Variants in TRPV5 observed in about 807,000 individuals in gnomAD.
TRPV5 encodes calcium transport protein 2.
TRPV5 carries 66 observed loss-of-function variants against 74.1 expected under a neutral mutation model. The ratio of observed to expected loss-of-function variants is 0.89; its 90% CI spans 0.73 to 1.09. The LOEUF (loss-of-function observed/expected upper bound fraction) is 1.09, where lower values mean the gene tolerates loss of function less well. Ranked by LOEUF, TRPV5 falls within the 50% of genes least tolerant of loss-of-function variation. The pLI is 0.00. For synonymous variants in TRPV5, 399 were observed against 360.7 expected, an observed-to-expected ratio of 1.11 and a Z score of -1.20; for missense variants, 936 against 930.4, an observed-to-expected ratio of 1.01 and a Z score of -0.08.
Position 142,912,609 on chromosome 7 carries a change from A to G in TRPV5, c.1661T>C (p.Met554Thr), listed in dbSNP as rs766635031. 8.1e-6 allele frequency: 13 copies of G among 1,614,264 alleles called. No homozygotes were observed. Among genetic ancestry groups the G allele is most frequent in the Non-Finnish European group, 1.1e-5 (13 of 1,180,046 alleles). The change falls in exon 13 of 15, where the codon ATG becomes ACG. Residue 554 changes from methionine to threonine, a missense_variant. By Grantham distance (81) the Met-to-Thr change is moderately conservative. Coordinates refer to ENST00000265310, the MANE Select transcript of TRPV5 (RefSeq NM_019841.7). ...PANYDVDLPF[M>T]FSIVNFAFTI... ...GAAGGCGAAGTTGACAATGCTGAAC[A>G]TGAAGGGCAAGTCCACGTCGTAGTT...
Position 142,915,475 on chromosome 7 carries a change from C to T in TRPV5, c.1209+7G>A, listed in dbSNP as rs200892544. ...TGGGATTAGCCTGGACCCCGCCTGCCCCTCACCTCTAGGAGCAGGATGATC... is the reference window on the plus strand; with the variant it reads ...TGGGATTAGCCTGGACCCCGCCTGCTCCTCACCTCTAGGAGCAGGATGATC... On this transcript the variant is annotated splice_region_variant and intron_variant, in intron 9 of 14. Coordinates refer to ENST00000265310, the MANE Select transcript of TRPV5 (RefSeq NM_019841.7). 2.9e-5 allele frequency: 47 copies of T among 1,613,778 alleles called. 1 individual carries two copies. The South Asian group carries it at 4.8e-4, about 17-fold the overall frequency.
chr7:142,915,511 C>G lies in TRPV5; in HGVS notation c.1180G>C (p.Val394Leu), dbSNP rs138078837. 1 of 1,614,036 alleles carries G rather than the reference C, an allele frequency of 6.2e-7. No individual in the cohort carries two copies. The highest frequency in any genetic ancestry group is 1.1e-5 in the South Asian group (1 of 91,088). The change falls in exon 9 of 15, where the codon GTT (valine) becomes CTT (leucine). Residue 394 changes from valine to leucine, a missense_variant. Coordinates refer to ENST00000265310, the MANE Select transcript of TRPV5 (RefSeq NM_019841.7). ...IRLVGELVSI[V>L]GAVIILLLEI... ...AGGAGCAGGATGATCACAGCCCCAA[C>G]GATGCTCACCAGCTCCCCCACCAGC...
intron 10 of TRPV5, 52 bp from the exon 11 acceptor site, chr7:142,915,098 C>A (rs1227931258): frequency 6.3e-7 from 1 of 1,596,846 alleles, no homozygotes; most frequent in African/African-American, 1.3e-5. Context: ...TATTTTAGGT[C>A]CCTACAGCAT....
At position 142,933,330 on chromosome 7, in the gene TRPV5, A is replaced by G; in HGVS notation, c.128+2T>C. 6.2e-7 allele frequency: 1 copy of G among 1,613,174 alleles called. No homozygotes were observed. The highest frequency in any genetic ancestry group is 8.5e-7 in the Non-Finnish European group (1 of 1,179,858). On this transcript the variant is annotated splice_donor_variant, in intron 1 of 14. Transcript: ENST00000265310. LOFTEE classifies it high-confidence loss of function. ...GGCCACGGATCGTTCTAGGAAGCCT[A>G]CCTCTTCTGCTGCAGCATATGAAGC... is the stretch of plus-strand genomic sequence containing the variant.
intron 8 of TRPV5, among the ~76,000 whole-genome samples, chr7:142,916,019 C>T (rs995548960): frequency 7.9e-5 from 12 of 152,288 alleles, no homozygotes; most frequent in African/African-American, 2.4e-4. Context: ...CAGGTTCCCT[C>T]ACGGATCCGG....
Position 142,908,245 on chromosome 7 carries a change from C to A in TRPV5, c.*269G>T. 1.8e-6 allele frequency: 1 copy of A among 551,368 alleles called. No individual in the cohort carries two copies. Among genetic ancestry groups the A allele is most frequent in the Non-Finnish European group, 3.2e-6 (1 of 309,542 alleles). 34.2% of individuals were successfully genotyped at this position (551,368 alleles called of 1,614,324 possible). A position where few individuals can be genotyped will look rare whatever the true frequency, so the allele number is the denominator to read the frequency against. On this transcript the variant is annotated 3_prime_UTR_variant, in exon 15 of 15. Coordinates refer to ENST00000265310, the MANE Select transcript of TRPV5 (RefSeq NM_019841.7). ...TGGTCCTGACATTAATCTAGCATCC[C>A]TGCCTCATGTCTTTAGTTGCCAACC...
At position 142,908,484 on chromosome 7, in the gene TRPV5, G is replaced by A. The variant is rs763193255; in HGVS notation, c.*30C>T. 1.2e-6 allele frequency: 2 copies of A among 1,607,030 alleles called. No individual in the cohort carries two copies. Among genetic ancestry groups the A allele is most frequent in the South Asian group, 2.2e-5 (2 of 90,920 alleles). On this transcript the variant is annotated 3_prime_UTR_variant, in exon 15 of 15. Coordinates refer to ENST00000265310, the MANE Select transcript of TRPV5 (RefSeq NM_019841.7). Reference sequence around the variant, plus strand: ...CTGTCCCCGCCCCCAGGCCAACCGGGAGTAAGGTCAAGAGTGATAGCGATG... The same window carrying A: ...CTGTCCCCGCCCCCAGGCCAACCGGAAGTAAGGTCAAGAGTGATAGCGATG...
rs200274601 is a variant in TRPV5, at chr7:142,929,385, G to A, written c.487+43C>T. Reference sequence around the variant, plus strand: ...GCCCTGGCCTCCCTCTGCCTTGCCCGCCTCTCCAGCCAACCATCCTTCAAG... The same window carrying A: ...GCCCTGGCCTCCCTCTGCCTTGCCCACCTCTCCAGCCAACCATCCTTCAAG... On this transcript the variant is annotated intron_variant, in intron 4 of 14. Transcript: ENST00000265310. 3.1e-5 allele frequency: 49 copies of A among 1,600,560 alleles called. No individual in the cohort carries two copies. The Middle Eastern group carries it at 5.1e-4, about 17-fold the overall frequency.
At chr7:142,932,981 T>G (rs1028579253) in intron 1 of TRPV5, among the ~76,000 whole-genome samples, 3 of 152,118 alleles carry the variant, frequency 2.0e-5, no homozygotes, top group Middle Eastern at 6.8e-3. Flanking sequence ...CCCACAGGAG[T>G]GCATCCCTTC....
At position 142,929,454 on chromosome 7, in the gene TRPV5, T is replaced by G. The variant is rs4236480; in HGVS notation, c.461A>C (p.His154Pro). 3 of 1,613,872 alleles carry G rather than the reference T, an allele frequency of 1.9e-6. No homozygotes were observed. Among genetic ancestry groups the G allele is most frequent in the Non-Finnish European group, 2.5e-6 (3 of 1,179,950 alleles). Residue 154 changes from histidine to proline, a missense_variant, in exon 4 of 15, where the codon CAT becomes CCT. His to Pro is a moderately conservative substitution (Grantham distance 77, BLOSUM62 -2). Coordinates refer to ENST00000265310, the MANE Select transcript of TRPV5 (RefSeq NM_019841.7). ...SARATGTAFR[H>P]SPRNLIYFGE... ...AAAGTAGATGAGGTTGCGGGGACTA[T>G]GGCGGAAGGCAGTGCCTGTGGCTCT...
intron 1 of TRPV5, among the ~76,000 whole-genome samples, chr7:142,930,713 G>C (rs1010949020): frequency 2.0e-5 from 3 of 152,216 alleles, no homozygotes; most frequent in African/African-American, 7.2e-5. Context: ...TTAATAGGAA[G>C]AGAACCTGTA....
intron 12 of TRPV5, among the ~76,000 whole-genome samples, chr7:142,913,569 T>C (rs1795743764): frequency 1.3e-5 from 2 of 151,860 alleles, no homozygotes; most frequent in South Asian, 4.2e-4. Context: ...GGCCAGGGAG[T>C]GGGAGGAAAG....
chr7:142,922,805 A>G (rs1795907499), intron 8 of TRPV5, among the ~76,000 whole-genome samples: 1 of 152,248 alleles, frequency 6.6e-6, no homozygotes, highest in African/African-American at 2.4e-5. Flanking sequence ...GTAGAAATAT[A>G]TGGAGATAAG....
In TRPV5 at chr7:142,912,589, C is replaced by A. The variant is rs139430146; in HGVS notation, c.1681G>T (p.Ala561Ser). ...AGCAGTGTGGCAATGATGGTGAAGG[C>A]GAAGTTGACAATGCTGAACATGAAG... ...LPFMFSIVNF[A>S]FTIIATLLML... The change falls in exon 13 of 15, where the codon GCC becomes TCC. Residue 561 changes from alanine to serine, a missense_variant. Coordinates refer to ENST00000265310, the MANE Select transcript of TRPV5 (RefSeq NM_019841.7). 6.2e-7 allele frequency: 1 copy of A among 1,614,178 alleles called. No individual in the cohort carries two copies. Among genetic ancestry groups the A allele is most frequent in the Non-Finnish European group, 8.5e-7 (1 of 1,180,036 alleles).
At chr7:142,917,423 T>C (rs1392335343) in intron 8 of TRPV5, among the ~76,000 whole-genome samples, 2 of 152,188 alleles carry the variant, frequency 1.3e-5, no homozygotes, top group East Asian at 3.8e-4. Flanking sequence ...ACCAATCTTT[T>C]CTTGGCTCAA....
intron 7 of TRPV5, among the ~76,000 whole-genome samples, chr7:142,927,313 G>A (rs1796005410): frequency 6.6e-6 from 1 of 152,220 alleles, no homozygotes; most frequent in Non-Finnish European, 1.5e-5. Context: ...ACTGAGAATT[G>A]AGGAAGTTGA....
At chr7:142,912,384 T>C (rs1348135957) in intron 13 of TRPV5, 98 bp downstream of exon 13, 2 of 1,503,718 alleles carry the variant, frequency 1.3e-6, no homozygotes, top group Non-Finnish European at 1.8e-6. Context: ...ACTGGGTTTT[T>C]CTGTGACTCT....
At chr7:142,924,315 C>G (rs1197593087) in intron 8 of TRPV5, among the ~76,000 whole-genome samples, 39 of 16,716 alleles carry the variant, frequency 2.3e-3, no homozygotes, top group African/African-American at 8.2e-3. Context: ...TATATATACA[C>G]ACATATACAT....
intron 8 of TRPV5, among the ~76,000 whole-genome samples, chr7:142,924,452 C>T (rs370705265): frequency 3.3e-5 from 5 of 149,308 alleles, no homozygotes; most frequent in Non-Finnish European, 5.9e-5. Flanking sequence ...GTGTCTCTAC[C>T]TAGCATAGGG....
Sources: allele counts gnomAD v4.1 joint callset (sites outside exome capture counted in the v4.1 genomes callset), GRCh38; gene constraint gnomAD v4.1.1; transcripts MANE v1.5; gene names NCBI Gene and HGNC (gene_info 2026-07-23, HGNC 2026-07-21).